The following ITGA1 variants were observed in gnomAD, a reference collection of about 807,000 sequenced individuals.
The protein encoded by ITGA1 is integrin alpha-1.
Under a neutral mutation model 145.9 loss-of-function variants are expected in ITGA1, and 85 were observed. The observed-to-expected ratio is 0.58, with a 90% confidence interval of 0.49 to 0.70. The LOEUF (loss-of-function observed/expected upper bound fraction) is 0.70, where lower values mean the gene tolerates loss of function less well. ITGA1 is among the 30% of genes least tolerant of loss of function. The pLI is 0.00. For synonymous variants in ITGA1, 520 were observed against 495.3 expected, an observed-to-expected ratio of 1.05 and a Z score of -0.66; for missense variants, 1,351 against 1,418.7, an observed-to-expected ratio of 0.95 and a Z score of 0.77.
intron 1 of ITGA1, among the ~76,000 whole-genome samples, chr5:52,817,842 A>G (rs1475723065): frequency 6.6e-6 from 1 of 152,224 alleles, no homozygotes; most frequent in Non-Finnish European, 1.5e-5. Context: ...TGAAATTTAG[A>G]GCATGAGCAG....
chr5:52,910,520 T>G, intron 14 of ITGA1, 101 bp downstream of exon 14: 1 of 1,275,462 alleles, frequency 7.8e-7, no homozygotes, highest in Non-Finnish European at 1.1e-6. Flanking sequence ...TTCTTCCTCC[T>G]GACCTTATTG....
rs560670384 is a variant in ITGA1 at position 52,907,741 on chromosome 5, G to A, written c.1456-1157G>A. ...TGCTGGGCAAAAAAACACAGGAAGT[G>A]GTGGGAACCATGGCCCTGGGCAGCT... On this transcript the variant is annotated intron_variant, in intron 12 of 28. Transcript: ENST00000282588. Among the ~76,000 whole-genome samples, 4 of 152,290 alleles carry A rather than the reference G, an allele frequency of 2.6e-5. No homozygotes were observed. In the East Asian group the frequency reaches 7.7e-4, roughly 29 times the overall value.
chr5:52,829,766 G>T lies in ITGA1; in HGVS notation c.62-19599G>T, dbSNP rs573456495. ...TAAAATTTCCAGAAGACATTTTTTTGTGTGTGTTCACACTGTTACCCATGG... is the reference window on the plus strand; with the variant it reads ...TAAAATTTCCAGAAGACATTTTTTTTTGTGTGTTCACACTGTTACCCATGG... On this transcript the variant is annotated intron_variant, in intron 1 of 28. Coordinates refer to ENST00000282588, the MANE Select transcript of ITGA1 (RefSeq NM_181501.2). Among the ~76,000 whole-genome samples, 4 of 151,910 alleles carry T rather than the reference G, an allele frequency of 2.6e-5. No homozygotes were observed. In the South Asian group the frequency reaches 8.3e-4, roughly 32 times the overall value.
chr5:52,856,516 A>C (rs1749513795), intron 2 of ITGA1, among the ~76,000 whole-genome samples: 1 of 152,126 alleles, frequency 6.6e-6, no homozygotes, highest in Non-Finnish European at 1.5e-5. Flanking sequence ...ATCCCTGGCC[A>C]GCTGCAACCC....
In ITGA1 at chr5:52,865,772, A is replaced by C. The variant is rs763294099; in HGVS notation, c.579A>C (p.Leu193Phe). ...IYPWDSVTAFLNDLLERMDIG... is the reference protein window; with the variant it reads ...IYPWDSVTAFFNDLLERMDIG... ...CATGGGACAGTGTTACAGCTTTTTT[A>C]AATGACCTTCTTGAAAGAATGGATA... is the stretch of plus-strand genomic sequence containing the variant. Residue 193 changes from leucine (L) to phenylalanine (F), a missense_variant, in exon 6 of 29, where the codon TTA becomes TTC. By Grantham distance (22) the Leu-to-Phe change is conservative (BLOSUM62 0). Coordinates refer to ENST00000282588, the MANE Select transcript of ITGA1 (RefSeq NM_181501.2). 1.2e-6 allele frequency: 2 copies of C among 1,604,300 alleles called. No individual in the cohort carries two copies. Among genetic ancestry groups the C allele is most frequent in the Admixed American group, 3.4e-5 (2 of 58,032 alleles).
intron 2 of ITGA1, among the ~76,000 whole-genome samples, chr5:52,851,663 A>G (rs1191043196): frequency 1.3e-5 from 2 of 152,214 alleles, no homozygotes; most frequent in Admixed American, 1.3e-4. Flanking sequence ...GAATGAATCT[A>G]CACTGGACTG....
At chr5:52,898,660 G>A (rs1750268983) in intron 11 of ITGA1, among the ~76,000 whole-genome samples, 1 of 152,044 alleles carries the variant, frequency 6.6e-6, no homozygotes, top group African/African-American at 2.4e-5. Context: ...GTTTCTCTGT[G>A]TCTGGTATCA....
At chr5:52,840,433 C>T (rs893209653) in intron 1 of ITGA1, among the ~76,000 whole-genome samples, 14 of 152,162 alleles carry the variant, frequency 9.2e-5, no homozygotes, top group African/African-American at 2.7e-4. Context: ...CACAAACACA[C>T]GAGTTGTGTT....
At chr5:52,927,525 A>G (rs1339021286) in intron 19 of ITGA1, 59 bp from the exon 20 acceptor site, 7 of 1,194,344 alleles carry the variant, frequency 5.9e-6, no homozygotes, top group Non-Finnish European at 8.5e-6. Context: ...TTCTGAAAGA[A>G]CACGTATCAA....
intron 28 of ITGA1, among the ~76,000 whole-genome samples, chr5:52,951,573 G>A (rs1751219827): frequency 1.3e-5 from 2 of 152,048 alleles, no homozygotes; most frequent in Admixed American, 1.3e-4. Flanking sequence ...GTTTTCAAGA[G>A]GCTTTTTATA....
chr5:52,893,548 T>C, intron 8 of ITGA1, 127 bp from the exon 9 acceptor site: 2 of 735,764 alleles, frequency 2.7e-6, no homozygotes, highest in Non-Finnish European at 4.1e-6. Context: ...TCCATAAATA[T>C]GAAAGTACAT....
chr5:52,927,941 TC>T (rs1188397278), intron 20 of ITGA1, among the ~76,000 whole-genome samples: 1 of 152,216 alleles, frequency 6.6e-6, no homozygotes, highest in South Asian at 2.1e-4. Flanking sequence ...GGGATTAGTG[TC>T]CTCATACGAG....
At chr5:52,890,953 C>A (rs553123732) in intron 8 of ITGA1, among the ~76,000 whole-genome samples, 1 of 152,288 alleles carries the variant, frequency 6.6e-6, no homozygotes, top group Non-Finnish European at 1.5e-5. Flanking sequence ...TTTCAGCTCA[C>A]ACATTTGAGT....
At chr5:52,908,329 A>G (rs1750442868) in intron 12 of ITGA1, among the ~76,000 whole-genome samples, 2 of 152,194 alleles carry the variant, frequency 1.3e-5, no homozygotes. Flanking sequence ...ACAGATTTCT[A>G]TCTTTAAATG....
chr5:52,858,815 A>G (rs766441865), intron 2 of ITGA1, among the ~76,000 whole-genome samples: 1 of 152,194 alleles, frequency 6.6e-6, no homozygotes, highest in Non-Finnish European at 1.5e-5. Flanking sequence ...TAACATTTAG[A>G]TAGCACATAC....
intron 1 of ITGA1, chr5:52,801,342 C>T: frequency 2.2e-6 from 3 of 1,387,362 alleles, no homozygotes; most frequent in Non-Finnish European, 3.0e-6. Context: ...GGCTTTAAGC[C>T]TTTGTGAGCT....
At chr5:52,826,607 C>T (rs1468956847) in intron 1 of ITGA1, among the ~76,000 whole-genome samples, 2 of 152,196 alleles carry the variant, frequency 1.3e-5, no homozygotes, top group South Asian at 2.1e-4. Flanking sequence ...GACAGGCTAA[C>T]TCTTCTTAGG....
chr5:52,931,816 A>T (rs1323446562), intron 21 of ITGA1: 1 of 362,726 alleles, frequency 2.8e-6, no homozygotes, highest in East Asian at 4.4e-5. Flanking sequence ...GAAAAACATA[A>T]ATCAGTGTGA....
intron 6 of ITGA1, among the ~76,000 whole-genome samples, chr5:52,868,137 TTTTTCCTTCCAA>T (rs1749717363): frequency 6.6e-6 from 1 of 152,192 alleles, no homozygotes; most frequent in African/African-American, 2.4e-5. Flanking sequence ...CTTACCTAAC[TTTTTCCTTCCAA>T]AGCTAATAAC....
Sources: allele counts gnomAD v4.1 joint callset (sites outside exome capture counted in the v4.1 genomes callset), GRCh38; gene constraint gnomAD v4.1.1; transcripts MANE v1.5; gene names NCBI Gene and HGNC (gene_info 2026-07-23, HGNC 2026-07-21).